The following CLSTN2 variants were observed in gnomAD, a reference collection of about 807,000 sequenced individuals.
CLSTN2 encodes the protein calsyntenin 2.
Under a neutral mutation model 101.2 loss-of-function variants are expected in CLSTN2, and 48 were observed. The ratio of observed to expected loss-of-function variants is 0.47; its 90% CI spans 0.38 to 0.60. The LOEUF is 0.60. Among genes scored for constraint, CLSTN2 ranks in the 20% least tolerant of loss-of-function variants. The probability of loss-of-function intolerance (pLI) is 0.00; values close to 1 mark genes in which losing one functional copy is unlikely to be tolerated. For missense variants in CLSTN2, 1,160 were observed against 1,238.2 expected, an observed-to-expected ratio of 0.94 and a Z score of 0.95; for synonymous variants, 481 against 463.6, an observed-to-expected ratio of 1.04 and a Z score of -0.48.
intron 5 of CLSTN2, among the ~76,000 whole-genome samples, chr3:140,443,572 A>T (rs1300750621): frequency 6.6e-6 from 1 of 152,266 alleles, no homozygotes; most frequent in East Asian, 1.9e-4. Flanking sequence ...AGGCCCAATT[A>T]TTAAAACAGC....
At chr3:140,133,075 T>G (rs2009546396) in intron 1 of CLSTN2, among the ~76,000 whole-genome samples, 1 of 152,334 alleles carries the variant, frequency 6.6e-6, no homozygotes. Context: ...GGCACCAGCA[T>G]CTGTTCAGCT....
intron 2 of CLSTN2, among the ~76,000 whole-genome samples, chr3:140,212,075 CCAAAATT>C (rs1423901696): frequency 6.6e-6 from 1 of 152,134 alleles, no homozygotes; most frequent in Admixed American, 6.5e-5. Flanking sequence ...TCATGAGGGG[CCAAAATT>C]CAAACACATT....
chr3:140,554,669 C>G (rs1425874177), intron 10 of CLSTN2, among the ~76,000 whole-genome samples: 1 of 152,204 alleles, frequency 6.6e-6, no homozygotes, highest in African/African-American at 2.4e-5. Flanking sequence ...AGTGATGTAT[C>G]CTACAGATGT....
intron 9 of CLSTN2, among the ~76,000 whole-genome samples, chr3:140,540,099 G>A (rs1935443687): frequency 6.6e-6 from 1 of 152,032 alleles, no homozygotes; most frequent in African/African-American, 2.4e-5. Flanking sequence ...TCCTTTTTCA[G>A]GCCCTTAGTT....
At chr3:140,516,785 A>G (rs896022317) in intron 8 of CLSTN2, among the ~76,000 whole-genome samples, 2 of 152,188 alleles carry the variant, frequency 1.3e-5, no homozygotes, top group Admixed American at 1.3e-4. Flanking sequence ...TCATCAAGTT[A>G]TCTAAAGTCA....
intron 1 of CLSTN2, among the ~76,000 whole-genome samples, chr3:140,136,854 T>C (rs1050855989): frequency 1.3e-5 from 2 of 152,140 alleles, no homozygotes; most frequent in Admixed American, 6.6e-5. Context: ...AAAGAATAGC[T>C]GAGTTTAACC....
chr3:140,561,901 T>A (rs1301426164), intron 12 of CLSTN2, among the ~76,000 whole-genome samples: 1 of 152,176 alleles, frequency 6.6e-6, no homozygotes, highest in Admixed American at 6.5e-5. Flanking sequence ...AAATCACACC[T>A]TTTGGCTACA....
intron 1 of CLSTN2, among the ~76,000 whole-genome samples, chr3:140,026,843 T>C (rs1486352610): frequency 2.0e-5 from 3 of 152,230 alleles, no homozygotes; most frequent in Non-Finnish European, 2.9e-5. Context: ...CCTGGTCAGA[T>C]TGACATTGCT....
intron 8 of CLSTN2, among the ~76,000 whole-genome samples, chr3:140,515,924 T>G (rs1196590259): frequency 6.6e-6 from 1 of 152,164 alleles, no homozygotes; most frequent in Non-Finnish European, 1.5e-5. Flanking sequence ...TGTCTACTGC[T>G]GTCAGTAGAA....
At chr3:140,221,433 T>G (rs770686310) in intron 2 of CLSTN2, among the ~76,000 whole-genome samples, 5 of 151,984 alleles carry the variant, frequency 3.3e-5, no homozygotes, top group Non-Finnish European at 7.4e-5. Context: ...AAAAAGTGAC[T>G]TGTGGAACAT....
At chr3:140,493,693 T>C (rs1934394458) in intron 8 of CLSTN2, among the ~76,000 whole-genome samples, 1 of 152,250 alleles carries the variant, frequency 6.6e-6, no homozygotes, top group Admixed American at 6.5e-5. Context: ...TAAGCCTCTC[T>C]GTGCTAGGAT....
intron 2 of CLSTN2, among the ~76,000 whole-genome samples, chr3:140,195,241 C>A (rs1007778781): frequency 6.6e-6 from 1 of 152,192 alleles, no homozygotes; most frequent in East Asian, 1.9e-4. Flanking sequence ...AGCTCTTTGG[C>A]TAGAGAAAGC....
intron 2 of CLSTN2, among the ~76,000 whole-genome samples, chr3:140,215,502 T>C (rs1009099702): frequency 6.6e-6 from 1 of 152,182 alleles, no homozygotes; most frequent in African/African-American, 2.4e-5. Context: ...AACCATTGGA[T>C]AGGGGGTTGG....
At chr3:139,982,995 T>C (rs1410895591) in intron 1 of CLSTN2, among the ~76,000 whole-genome samples, 2 of 150,460 alleles carry the variant, frequency 1.3e-5, no homozygotes, top group African/African-American at 4.9e-5. Context: ...AGTGTATATA[T>C]ATAATCTGGC....
At chr3:140,175,769 C>T (rs565060154) in intron 1 of CLSTN2, among the ~76,000 whole-genome samples, 182 bp from the exon 2 acceptor site, 1 of 152,290 alleles carries the variant, frequency 6.6e-6, no homozygotes, top group Non-Finnish European at 1.5e-5. Flanking sequence ...AGGTGTTGAA[C>T]CTCTTCCCGC....
rs1159914352 is a variant in CLSTN2, at chr3:140,562,267, AC to A, written c.2173del (p.Leu725TrpfsTer18). 1.2e-6 allele frequency: 2 copies of A among 1,613,790 alleles called. No individual in the cohort carries two copies. Among genetic ancestry groups the A allele is most frequent in the Non-Finnish European group, 1.7e-6 (2 of 1,179,948 alleles). ...ELNHSELHQR[H>X]LDATNSTAGY... Reference sequence around the variant, plus strand: ...AACCACAGTGAGCTCCACCAACGACACCTGGATGCCACTAATTCTACTGCAG... The same window carrying A: ...AACCACAGTGAGCTCCACCAACGACACTGGATGCCACTAATTCTACTGCAG... On this transcript the variant is annotated frameshift_variant, in exon 13 of 17. Coordinates refer to ENST00000458420, the MANE Select transcript of CLSTN2 (RefSeq NM_022131.3). LOFTEE classifies it high-confidence loss of function.
intron 1 of CLSTN2, among the ~76,000 whole-genome samples, chr3:140,007,477 C>T (rs778092215): frequency 6.6e-6 from 1 of 152,268 alleles, no homozygotes; most frequent in South Asian, 2.1e-4. Context: ...GTCCCCTTTT[C>T]GTTTTGGGTT....
intron 1 of CLSTN2, among the ~76,000 whole-genome samples, chr3:139,945,955 A>C (rs1271686435): frequency 1.3e-5 from 2 of 152,186 alleles, no homozygotes; most frequent in African/African-American, 4.8e-5. Context: ...TATGAACTGA[A>C]AGTGTTGGAT....
chr3:139,980,413 C>T (rs1935893973), intron 1 of CLSTN2, among the ~76,000 whole-genome samples: 1 of 152,112 alleles, frequency 6.6e-6, no homozygotes, highest in South Asian at 2.1e-4. Context: ...TCTGCTGAAA[C>T]ACAGGCTCAT....
Sources: allele counts gnomAD v4.1 joint callset (sites outside exome capture counted in the v4.1 genomes callset), GRCh38; gene constraint gnomAD v4.1.1; transcripts MANE v1.5; gene names NCBI Gene and HGNC (gene_info 2026-07-23, HGNC 2026-07-21).